FUNDC1: variants seen among roughly 807,000 people sequenced by gnomAD.
FUNDC1 encodes FUN14 domain-containing protein 1.
Under a neutral mutation model 14.5 loss-of-function variants are expected in FUNDC1, and 10 were observed. That is an observed-to-expected ratio of 0.69 (90% CI 0.43 to 1.17). FUNDC1 has a LOEUF of 1.17. Ranked by LOEUF, FUNDC1 falls within the 50% of genes most tolerant of loss-of-function variation. The pLI is 0.00. For missense variants in FUNDC1, 115 were observed against 113.8 expected, an observed-to-expected ratio of 1.01 and a Z score of -0.05; for synonymous variants, 33 against 39.7, an observed-to-expected ratio of 0.83 and a Z score of 0.64.
At chrX:44,539,699 C>T (rs1322533495) in intron 2 of FUNDC1, among the ~76,000 whole-genome samples, 1 of 111,365 alleles carries the variant, frequency 9.0e-6, no homozygotes, top group Non-Finnish European at 1.9e-5. Context: ...ATGGAGCTCG[C>T]TCTGTCACCC....
At chrX:44,541,602 G>C (rs917918908) in intron 2 of FUNDC1, among the ~76,000 whole-genome samples, 1 of 111,735 alleles carries the variant, frequency 8.9e-6, no homozygotes, top group Non-Finnish European at 1.9e-5. Flanking sequence ...TGAATGAAAT[G>C]TAAAAATTTA....
At chrX:44,533,650 C>CAAAAAAAAAAAAAAA (rs1420752819) in intron 3 of FUNDC1, among the ~76,000 whole-genome samples, 1 of 71,091 alleles carries the variant, frequency 1.4e-5, no homozygotes, top group African/African-American at 5.9e-5. Context: ...AAAAAAAAAA[C>CAAAAAAAAAAAAAAA]AACAAAACAA....
At chrX:44,538,003 C>G (rs181871503) in intron 3 of FUNDC1, among the ~76,000 whole-genome samples, 39 of 112,442 alleles carry the variant, frequency 3.5e-4, no homozygotes, top group African/African-American at 1.3e-3. Flanking sequence ...TGTTTGGAGA[C>G]AGAGTTTTGC....
intron 3 of FUNDC1, 58 bp from the exon 4 acceptor site, chrX:44,527,423 T>C: frequency 1.1e-6 from 1 of 881,087 alleles, no homozygotes; most frequent in Non-Finnish European, 1.6e-6. Context: ...CTGACTATAA[T>C]AGCCAAGAAT....
chrX:44,536,667 T>C (rs1185752663), intron 3 of FUNDC1, among the ~76,000 whole-genome samples: 1 of 111,383 alleles, frequency 9.0e-6, no homozygotes, highest in Non-Finnish European at 1.9e-5. Flanking sequence ...TCCAATTAAC[T>C]TGTTTAGGGA....
rs1017484958 is a variant in FUNDC1 at position 44,524,166 on chromosome X, G to C, written c.*32C>G. On this transcript the variant is annotated 3_prime_UTR_variant, in exon 5 of 5. Transcript: ENST00000378045. ...TATTGCTGCCACTTCTCTTCTCATA[G>C]TTGAATCCGTTATGGGAGAATATTC... 1 of 1,050,127 alleles carries C rather than the reference G, an allele frequency of 9.5e-7. No individual in the cohort carries two copies. Among genetic ancestry groups the C allele is most frequent in the Non-Finnish European group, 1.3e-6 (1 of 750,145 alleles). 86.5% of individuals were successfully genotyped at this position (1,050,127 alleles called of 1,213,427 possible). A position where few individuals can be genotyped will look rare whatever the true frequency, so the allele number is the denominator to read the frequency against.
At chrX:44,542,467 C>G (rs913459145) in intron 1 of FUNDC1, among the ~76,000 whole-genome samples, 2 of 110,515 alleles carry the variant, frequency 1.8e-5, no homozygotes, top group Non-Finnish European at 3.8e-5. Context: ...GGGGAGGGGT[C>G]CTCCTGAGAG....
chrX:44,532,529 A>ATGTG (rs200354418), intron 3 of FUNDC1, among the ~76,000 whole-genome samples: 12 of 105,946 alleles, frequency 1.1e-4, no homozygotes, highest in African/African-American at 4.2e-4. Flanking sequence ...AAATATATAT[A>ATGTG]TGTGTGTGTG....
intron 4 of FUNDC1, 59 bp from the exon 5 acceptor site, chrX:44,524,334 A>T: frequency 1.3e-6 from 1 of 779,952 alleles, no homozygotes; most frequent in South Asian, 2.2e-5. Context: ...ATGAACCTTG[A>T]AAACATTATG....
chrX:44,537,580 G>C (rs1002388980), intron 3 of FUNDC1, among the ~76,000 whole-genome samples: 4 of 111,898 alleles, frequency 3.6e-5, no homozygotes, highest in African/African-American at 1.3e-4. Flanking sequence ...GCTGTTTAGT[G>C]AACAACTCAA....
intron 3 of FUNDC1, among the ~76,000 whole-genome samples, chrX:44,536,550 G>T (rs1223902151): frequency 1.8e-5 from 2 of 111,302 alleles, no homozygotes; most frequent in Non-Finnish European, 3.8e-5. Flanking sequence ...TGTGAGATTT[G>T]GGGAAGTATA....
At chrX:44,539,813 C>T (rs146627114) in intron 2 of FUNDC1, among the ~76,000 whole-genome samples, 1,223 of 110,358 alleles carry the variant, frequency 0.011, 22 homozygotes, top group African/African-American at 0.038. Context: ...ATTACAGATG[C>T]CCGCCACCAC....
chrX:44,541,977 A>T lies in FUNDC1; in HGVS notation c.153T>A (p.Ala51=). 8.3e-7 allele frequency: 1 copy of T among 1,208,238 alleles called. No homozygotes were observed. The highest frequency in any genetic ancestry group is 1.1e-6 in the Non-Finnish European group (1 of 893,476). The change falls in exon 2 of 5, where the codon GCT becomes GCA. Residue 51 remains alanine (A), a synonymous_variant. Transcript: ENST00000378045. ...TAACGCCACCCATTACAATCTGGGT[A>T]GCTACTGAGTATTTTTCTACCATAG... ...SGPMVEKYSV[A]TQIVMGGVTG... is the part of the protein sequence containing the mutation.
In FUNDC1 at chrX:44,542,822, C is replaced by T. The variant is rs922134126; in HGVS notation, c.11G>A (p.Arg4Gln). Residue 4 changes from arginine (R) to glutamine (Q), a missense_variant, in exon 1 of 5, where the codon CGG becomes CAG. Coordinates refer to ENST00000378045, the MANE Select transcript of FUNDC1 (RefSeq NM_173794.4). The part of the protein sequence containing the change: MAT[R>Q]NPPPQDYESD... ...CCGCTCACCTTGGGGAGGGGGGTTC[C>T]GGGTCGCCATGATACCGCCAGCGGC... The T allele has an allele frequency of 5.6e-5, 65 of 1,167,594 alleles. No individual in the cohort carries two copies. Among genetic ancestry groups the T allele is most frequent in the Non-Finnish European group, 7.0e-5 (61 of 873,312 alleles).
At chrX:44,542,418 A>T (rs1446341453) in intron 1 of FUNDC1, 3 of 368,701 alleles carry the variant, frequency 8.1e-6, no homozygotes, top group Non-Finnish European at 1.4e-5. Flanking sequence ...GGTCAAGGTC[A>T]GAGCAGGGTC....
chrX:44,542,409 G>C lies in FUNDC1; in HGVS notation c.29-308C>G. ...ACCCCCACCTCCAAACCTTAGTAGG[G>C]TCAAGGTCAGAGCAGGGTCCATTTT... is the stretch of plus-strand genomic sequence containing the variant. On this transcript the variant is annotated intron_variant, in intron 1 of 4. Transcript: ENST00000378045. 3 of 372,890 alleles carry C rather than the reference G, an allele frequency of 8.0e-6. No individual in the cohort carries two copies. The South Asian group carries it at 1.4e-4, about 17-fold the overall frequency. The allele number at this position is 372,890 out of a possible 1,213,427, so 30.7% of individuals were successfully genotyped here.
rs1441745806 is a variant in FUNDC1, at chrX:44,531,321, C to A, written c.262-3956G>T. On this transcript the variant is annotated intron_variant, in intron 3 of 4. Coordinates refer to ENST00000378045, the MANE Select transcript of FUNDC1 (RefSeq NM_173794.4). ...TGAAGATTCATGTTGGCCAGACACA[C>A]ACACACACACACACACACACACACA... Among the ~76,000 whole-genome samples, 25 of 41,268 alleles carry A rather than the reference C, an allele frequency of 6.1e-4. 1 individual carries two copies. Among genetic ancestry groups the A allele is most frequent in the African/African-American group, 8.8e-4 (5 of 5,680 alleles). 35.8% of individuals were successfully genotyped at this position (41,268 alleles called of 115,157 possible). A position where few individuals can be genotyped will look rare whatever the true frequency, so the allele number is the denominator to read the frequency against.
chrX:44,526,112 CAAAAAAAACAAAA>C (rs869181466), intron 4 of FUNDC1, among the ~76,000 whole-genome samples: 135 of 33,448 alleles, frequency 4.0e-3, no homozygotes, highest in African/African-American at 0.011. Context: ...AGACCTGTCT[CAAAAAAAACAAAA>C]AAAAAAAACA....
rs771729282 is a variant in FUNDC1 at position 44,528,350 on chromosome X, C to A, written c.262-985G>T. On this transcript the variant is annotated intron_variant, in intron 3 of 4. Coordinates refer to ENST00000378045, the MANE Select transcript of FUNDC1 (RefSeq NM_173794.4). ...CTCCATAGAAGAATTTGTTTATCTG[C>A]ATTTCTTCTTGTATTTATTCATCTA... Among the ~76,000 whole-genome samples, 10 of 112,169 alleles carry A rather than the reference C, an allele frequency of 8.9e-5. 1 individual carries two copies. The South Asian group carries it at 3.7e-3, about 41-fold the overall frequency.
Sources: allele counts gnomAD v4.1 joint callset (sites outside exome capture counted in the v4.1 genomes callset), GRCh38; gene constraint gnomAD v4.1.1; transcripts MANE v1.5; gene names NCBI Gene and HGNC (gene_info 2026-07-23, HGNC 2026-07-21).